The following PTPRN variants were observed in gnomAD, a reference collection of about 807,000 sequenced individuals.
PTPRN encodes protein tyrosine phosphatase receptor type N.
In PTPRN, 70 loss-of-function variants were observed where a neutral mutation model predicts 108.5. That is an observed-to-expected ratio of 0.65 (90% CI 0.53 to 0.79). PTPRN has a LOEUF of 0.79. Among genes scored for constraint, PTPRN ranks in the 30% least tolerant of loss-of-function variants. The probability of loss-of-function intolerance (pLI) is 0.00; values close to 1 mark genes in which losing one functional copy is unlikely to be tolerated. For missense variants in PTPRN, 1,136 were observed against 1,295.5 expected, an observed-to-expected ratio of 0.88 and a Z score of 1.89; for synonymous variants, 496 against 524.6, an observed-to-expected ratio of 0.95 and a Z score of 0.75.
chr2:219,296,004 ATGTATGTT>A lies in PTPRN; in HGVS notation c.2508+214_2508+221del. 1 of 581,300 alleles carries A rather than the reference ATGTATGTT, an allele frequency of 1.7e-6. No homozygotes were observed. Among genetic ancestry groups the A allele is most frequent in the Non-Finnish European group, 2.9e-6 (1 of 343,570 alleles). 36.0% of individuals were successfully genotyped at this position (581,300 alleles called of 1,614,324 possible). ...CACACACACACACACACACACACACATGTATGTTCTGTAAACAGGACACACACATGTAT... is the reference window on the plus strand; with the variant it reads ...CACACACACACACACACACACACACACTGTAAACAGGACACACACATGTAT... On this transcript the variant is annotated intron_variant, in intron 18 of 22. Coordinates refer to ENST00000295718, the MANE Select transcript of PTPRN (RefSeq NM_002846.4). This position sits in a 1 kb window ranked among gnomAD's most constrained non-coding sequence, Gnocchi z 6.0.
rs757164435 is a variant in PTPRN, at chr2:219,294,208, G to C, written c.2675+767C>G. ...GACACTGGCAGCTGTGAGGGAGAGA[G>C]AGAAAGAGGGAAGAAGGGAGAGGGA... On this transcript the variant is annotated intron_variant, in intron 19 of 22. Coordinates refer to ENST00000295718, the MANE Select transcript of PTPRN (RefSeq NM_002846.4). 6.3e-6 allele frequency: 3 copies of C among 476,454 alleles called. No homozygotes were observed. The Admixed American group carries it at 6.9e-5, about 11-fold the overall frequency. 29.5% of individuals were successfully genotyped at this position (476,454 alleles called of 1,614,324 possible).
rs1171023879 is a variant in PTPRN at position 219,299,289 on chromosome 2, T to C, written c.1603+16A>G. 1.2e-6 allele frequency: 2 copies of C among 1,613,284 alleles called. No homozygotes were observed. The highest frequency in any genetic ancestry group is 2.7e-5 in the African/African-American group (2 of 75,000). On this transcript the variant is annotated intron_variant, in intron 11 of 22. Transcript: ENST00000295718. Reference sequence around the variant, plus strand: ...GCTGGGGCCAAGCCTGGGATTGAGGTCGCAGAGATATTTACCTGCTTGTTG... The same window carrying C: ...GCTGGGGCCAAGCCTGGGATTGAGGCCGCAGAGATATTTACCTGCTTGTTG...
At chr2:219,307,187 G>A in intron 3 of PTPRN, 1 of 394,936 alleles carries the variant, frequency 2.5e-6, no homozygotes. Flanking sequence ...GACAATGCCA[G>A]TGAGAGGAAC....
chr2:219,290,180 CAA>C lies in PTPRN; in HGVS notation c.*44_*45del, dbSNP rs746349720. 2 of 1,541,688 alleles carry C rather than the reference CAA, an allele frequency of 1.3e-6. No homozygotes were observed. Among genetic ancestry groups the C allele is most frequent in the Non-Finnish European group, 1.8e-6 (2 of 1,114,732 alleles). ...GGGTACACAGAGATGCTCACACAGGCAAAGAGGGACAGAGGCTGGGCTGCCCG... is the reference window on the plus strand; with the variant it reads ...GGGTACACAGAGATGCTCACACAGGCAGAGGGACAGAGGCTGGGCTGCCCG... On this transcript the variant is annotated 3_prime_UTR_variant, in exon 23 of 23. Transcript: ENST00000295718. This position sits in a 1 kb window ranked among gnomAD's most constrained non-coding sequence, Gnocchi z 4.2.
At chr2:219,299,151 G>A (rs1952277394) in intron 11 of PTPRN, 40 bp from the exon 12 acceptor site, 1 of 1,612,868 alleles carries the variant, frequency 6.2e-7, no homozygotes, top group Non-Finnish European at 8.5e-7. Flanking sequence ...CCAGCCCCAT[G>A]TGGTCTCCAT....
At chr2:219,308,811 C>T (rs927651945) in intron 1 of PTPRN, 8 of 1,289,302 alleles carry the variant, frequency 6.2e-6, no homozygotes, top group Non-Finnish European at 8.1e-6. Flanking sequence ...CAGGCTTCCA[C>T]TGCCCAGAGA....
chr2:219,298,341 C>T (rs984496522), intron 12 of PTPRN, among the ~76,000 whole-genome samples: 7 of 152,184 alleles, frequency 4.6e-5, no homozygotes, highest in African/African-American at 1.2e-4. Flanking sequence ...CATTTAAAAA[C>T]GGACAGAGAA....
In PTPRN at chr2:219,299,869, G is replaced by C; in HGVS notation, c.1437-83C>G. The C allele has an allele frequency of 1.9e-6, 3 of 1,560,858 alleles. No homozygotes were observed. In the South Asian group the frequency reaches 3.6e-5, roughly 19 times the overall value. On this transcript the variant is annotated intron_variant, in intron 9 of 22. Coordinates refer to ENST00000295718, the MANE Select transcript of PTPRN (RefSeq NM_002846.4). Reference sequence around the variant, plus strand: ...TAAAACAGGCCACTCCAGGGGTACAGAGCAGCCTGCCAATTCCCTGTCCCT... The same window carrying C: ...TAAAACAGGCCACTCCAGGGGTACACAGCAGCCTGCCAATTCCCTGTCCCT...
intron 4 of PTPRN, among the ~76,000 whole-genome samples, 174 bp from the exon 5 acceptor site, chr2:219,303,011 C>G (rs1446235213): frequency 6.6e-6 from 1 of 152,164 alleles, no homozygotes; most frequent in Non-Finnish European, 1.5e-5. Flanking sequence ...GGGGAGGGAC[C>G]AGAGGGCCAA....
intron 3 of PTPRN, among the ~76,000 whole-genome samples, chr2:219,304,686 A>G (rs931109981): frequency 6.6e-6 from 1 of 152,132 alleles, no homozygotes; most frequent in Admixed American, 6.5e-5. Context: ...GTTCCTATTT[A>G]AAGCCAGTTC....
Position 219,297,789 on chromosome 2 carries a change from C to T in PTPRN, c.1887+96G>A, listed in dbSNP as rs1952237799. 1 of 1,379,284 alleles carries T rather than the reference C, an allele frequency of 7.3e-7. No individual in the cohort carries two copies. The highest frequency in any genetic ancestry group is 2.2e-5 in the Admixed American group (1 of 46,304). The allele number at this position is 1,379,284 out of a possible 1,614,324, so 85.4% of individuals were successfully genotyped here. ...CTGGACCTTCCCAGGGATGAGGGCT[C>T]ACTCCCCATTCAGTTCCGACCCTTA... is the stretch of plus-strand genomic sequence containing the variant. On this transcript the variant is annotated intron_variant, in intron 13 of 22. Transcript: ENST00000295718. The surrounding 1 kb of genome is among the most constrained non-coding windows in gnomAD (Gnocchi z 6.0).
At position 219,296,340 on chromosome 2, in the gene PTPRN, C is replaced by T. The variant is rs779359240; in HGVS notation, c.2394G>A (p.Val798=). The T allele has an allele frequency of 2.5e-6, 4 of 1,614,150 alleles. No individual in the cohort carries two copies. The South Asian group carries it at 3.3e-5, about 13-fold the overall frequency. ...SHTIADFWQM[V]WESGCTVIVM... is the part of the protein sequence containing the mutation. The stretch of plus-strand genomic sequence containing the variant: ...CGATGACGGTGCAGCCGCTCTCCCA[C>T]ACCATCTAGGGACAGAGACCCAGTT... Residue 798 remains valine, a synonymous_variant, in exon 18 of 23, where the codon GTG becomes GTA. Transcript: ENST00000295718. The surrounding 1 kb of genome is among the most constrained non-coding windows in gnomAD (Gnocchi z 6.0).
At chr2:219,309,156 C>T in intron 1 of PTPRN, 62 bp downstream of exon 1, 1 of 1,436,314 alleles carries the variant, frequency 7.0e-7, no homozygotes, top group Non-Finnish European at 9.4e-7. Flanking sequence ...CACCGAGTTT[C>T]GCTCCAGGCC....
At position 219,299,343 on chromosome 2, in the gene PTPRN, T is replaced by G; in HGVS notation, c.1565A>C (p.Glu522Ala). 6.2e-7 allele frequency: 1 copy of G among 1,614,180 alleles called. No homozygotes were observed. Among genetic ancestry groups the G allele is most frequent in the Non-Finnish European group, 8.5e-7 (1 of 1,180,028 alleles). The change falls in exon 11 of 23, where the codon GAG (glutamate) becomes GCG (alanine). Residue 522 changes from glutamate to alanine, a missense_variant. Glu to Ala is a moderately radical substitution (Grantham distance 107). Coordinates refer to ENST00000295718, the MANE Select transcript of PTPRN (RefSeq NM_002846.4). ...CACATCAGCCAAAGACAGGTTCTGC[T>G]CATTGTGCCGGATGCGGAAGGTGAG... The part of the protein sequence containing the change: ...PALTFRIRHN[E>A]QNLSLADVTQ...
At position 219,301,629 on chromosome 2, in the gene PTPRN, G is replaced by A. The variant is rs750382815; in HGVS notation, c.1085C>T (p.Thr362Ile). ...ACCCTTGGGCAGTAGCTGCAGCAGG[G>A]TCAGGAGTGTGGAGAGCTGCTCAGG... ...LTPEQLSTLL[T>I]LLQLLPKGAG... is the part of the protein sequence containing the mutation. Residue 362 changes from threonine (T) to isoleucine (I), a missense_variant, in exon 7 of 23, where the codon ACC becomes ATC. Transcript: ENST00000295718. 4 of 1,613,480 alleles carry A rather than the reference G, an allele frequency of 2.5e-6. No homozygotes were observed. The highest frequency in any genetic ancestry group is 2.2e-5 in the East Asian group (1 of 44,862).
At chr2:219,301,460 C>A (rs1485979497) in intron 7 of PTPRN, 128 bp downstream of exon 7, 5 of 1,343,938 alleles carry the variant, frequency 3.7e-6, no homozygotes, top group Admixed American at 2.2e-5. Context: ...GACCCTATGT[C>A]TCAAAGGAAC....
At position 219,296,596 on chromosome 2, in the gene PTPRN, G is replaced by C. The variant is rs2125091630; in HGVS notation, c.2311-80C>G. On this transcript the variant is annotated intron_variant, in intron 16 of 22. Transcript: ENST00000295718. This position sits in a 1 kb window ranked among gnomAD's most constrained non-coding sequence, Gnocchi z 6.0. Reference sequence around the variant, plus strand: ...GGCGTGGTCAGAGCAAGTGGGTCAGGGTCTGAGAAGGCTGGCAGTTCCCCC... The same window carrying C: ...GGCGTGGTCAGAGCAAGTGGGTCAGCGTCTGAGAAGGCTGGCAGTTCCCCC... 6.3e-7 allele frequency: 1 copy of C among 1,578,594 alleles called. No individual in the cohort carries two copies. The highest frequency in any genetic ancestry group is 2.2e-5 in the East Asian group (1 of 44,600).
At chr2:219,298,973 C>G in intron 12 of PTPRN, 74 bp downstream of exon 12, 1 of 1,568,862 alleles carries the variant, frequency 6.4e-7, no homozygotes, top group East Asian at 2.2e-5. Context: ...GTTCTCCCCT[C>G]TGGTTTGCCT....
At position 219,300,103 on chromosome 2, in the gene PTPRN, C is replaced by G. The variant is rs370620875; in HGVS notation, c.1318G>C (p.Val440Leu). ...TTCTTCTCTAGCAGGACAGGTGTCACAGGGGGTCTGGCAGCTTTGGGAGGC... is the reference window on the plus strand; with the variant it reads ...TTCTTCTCTAGCAGGACAGGTGTCAGAGGGGGTCTGGCAGCTTTGGGAGGC... Reference protein sequence around the residue: ...SEPPKAARPPVTPVLLEKKSP... With the variant: ...SEPPKAARPPLTPVLLEKKSP... The change falls in exon 9 of 23, where the codon GTG (valine) becomes CTG (leucine). Residue 440 changes from valine (V) to leucine (L), a missense_variant. Coordinates refer to ENST00000295718, the MANE Select transcript of PTPRN (RefSeq NM_002846.4). 8.1e-6 allele frequency: 13 copies of G among 1,614,020 alleles called. No homozygotes were observed. In the African/African-American group the frequency reaches 1.7e-4, roughly 22 times the overall value.
Sources: gnomAD v4.1 joint callset for allele counts (sites outside exome capture counted in the v4.1 genomes callset) on GRCh38, gnomAD v4.1.1 for gene constraint, Gnocchi (gnomAD v3.1) non-coding constraint, MANE v1.5 for transcripts, NCBI Gene and HGNC (gene_info 2026-07-23, HGNC 2026-07-21) for gene names.